PBX1: variants seen among roughly 807,000 people sequenced by gnomAD.
The protein encoded by PBX1 is pre-B-cell leukemia transcription factor 1.
A neutral mutation model predicts 53.4 loss-of-function variants in PBX1; 6 were observed. The ratio of observed to expected loss-of-function variants is 0.11; its 90% CI spans 0.06 to 0.22. The LOEUF (loss-of-function observed/expected upper bound fraction) is 0.22. PBX1 is among the 10% of genes least tolerant of loss of function. The pLI is 1.00. For missense variants in PBX1, 251 were observed against 551.4 expected (o/e 0.46, Z 5.46); for synonymous variants, 204 against 212.3 (o/e 0.96, Z 0.34).
intron 1 of PBX1, chr1:164,562,965 TA>T (rs34618409): frequency 0.31 from 55,286 of 176,606 alleles, 7,236 homozygotes; most frequent in Middle Eastern, 0.42. Context: ...TTAAACTACT[TA>T]AAAAAAAAAA....
intron 2 of PBX1, among the ~76,000 whole-genome samples, chr1:164,876,487 G>A (rs1218988452): frequency 1.3e-5 from 2 of 151,734 alleles, no homozygotes; most frequent in Non-Finnish European, 2.9e-5. Context: ...GGAGACTTAG[G>A]TGAGTGCGCA....
rs3830328 is a variant in PBX1, at chr1:164,707,394, G to GGTGTGTGTGT, written c.266-85084_266-85075dup. Among the ~76,000 whole-genome samples, 239 of 103,494 alleles carry GGTGTGTGTGT rather than the reference G, an allele frequency of 2.3e-3. 2 individuals carry two copies. The highest frequency in any genetic ancestry group is 9.5e-3 in the African/African-American group (227 of 24,004). 67.9% of individuals were successfully genotyped at this position (103,494 alleles called of 152,430 possible). On this transcript the variant is annotated intron_variant, in intron 2 of 8. Coordinates refer to ENST00000420696, the MANE Select transcript of PBX1 (RefSeq NM_002585.4). ...TGGCTAATGAGACTAACACCACTGA[G>GGTGTGTGTGT]GTGTGTGTGTGTGTGTGTGTGTGTG...
rs754765387 is a variant in PBX1, at chr1:164,779,551, C to T, written c.266-12943C>T. ...AGTGCTGCTAGAAAGCAGGCAGCAC[C>T]GAAAGAGAAAAGCAAATTTGGCTTC... is the stretch of plus-strand genomic sequence containing the variant. On this transcript the variant is annotated intron_variant, in intron 2 of 8. Transcript: ENST00000420696. 3.0e-4 allele frequency among the ~76,000 whole-genome samples: 45 copies of T among 152,138 alleles called. 1 individual carries two copies. The highest frequency in any genetic ancestry group is 6.5e-4 in the Admixed American group (10 of 15,274).
chr1:164,634,565 T>C (rs1368629087), intron 2 of PBX1, among the ~76,000 whole-genome samples: 1 of 152,184 alleles, frequency 6.6e-6, no homozygotes, highest in Non-Finnish European at 1.5e-5. Flanking sequence ...ACAATGCTCT[T>C]TGGGTTTCGT....
Position 164,609,111 on chromosome 1 carries a change from G to A in PBX1, c.265+45800G>A, listed in dbSNP as rs1656738129. On this transcript the variant is annotated intron_variant, in intron 2 of 8. Transcript: ENST00000420696. ...TCATTAATGAGAAAATAAATTTAGGGCCAGAGGTGTCAGACTTTTCAGGAG... is the reference window on the plus strand; with the variant it reads ...TCATTAATGAGAAAATAAATTTAGGACCAGAGGTGTCAGACTTTTCAGGAG... 3.9e-5 allele frequency among the ~76,000 whole-genome samples: 6 copies of A among 151,994 alleles called. No homozygotes were observed. In the South Asian group the frequency reaches 1.2e-3, roughly 32 times the overall value.
intron 2 of PBX1, among the ~76,000 whole-genome samples, chr1:164,699,093 A>T (rs1662953369): frequency 6.6e-6 from 1 of 152,212 alleles, no homozygotes; most frequent in East Asian, 1.9e-4. Flanking sequence ...CAGAATAGGC[A>T]TGCGTGCTCT....
At chr1:164,876,181 G>A (rs1672506788) in intron 2 of PBX1, among the ~76,000 whole-genome samples, 1 of 151,850 alleles carries the variant, frequency 6.6e-6, no homozygotes, top group Non-Finnish European at 1.5e-5. Context: ...TGCAAATAGA[G>A]TGTTATGTAA....
chr1:164,587,760 C>T (rs1016222353), intron 2 of PBX1, among the ~76,000 whole-genome samples: 1 of 152,196 alleles, frequency 6.6e-6, no homozygotes, highest in African/African-American at 2.4e-5. Context: ...ACAGAGTTCT[C>T]ACTTGCAGCA....
chr1:164,871,317 G>A (rs1468127537), intron 2 of PBX1, among the ~76,000 whole-genome samples: 3 of 152,176 alleles, frequency 2.0e-5, no homozygotes, highest in Non-Finnish European at 4.4e-5. Context: ...AGGGAGGTAG[G>A]GAGAGAGCCA....
At chr1:164,664,523 C>T (rs1660694326) in intron 2 of PBX1, among the ~76,000 whole-genome samples, 2 of 152,194 alleles carry the variant, frequency 1.3e-5, no homozygotes, top group African/African-American at 4.8e-5. Flanking sequence ...TATCAACTGG[C>T]ACAATGTATT....
At chr1:164,804,917 C>G (rs1419165169) in intron 4 of PBX1, among the ~76,000 whole-genome samples, 1 of 152,172 alleles carries the variant, frequency 6.6e-6, no homozygotes, top group Non-Finnish European at 1.5e-5. Flanking sequence ...AAAAGGTGAT[C>G]TTAGTTTTGG....
At chr1:164,586,445 G>C (rs1180027585) in intron 2 of PBX1, among the ~76,000 whole-genome samples, 3 of 152,146 alleles carry the variant, frequency 2.0e-5, no homozygotes, top group Non-Finnish European at 4.4e-5. Context: ...GCATTATGAT[G>C]CAAGGGAACA....
intron 2 of PBX1, among the ~76,000 whole-genome samples, chr1:164,778,985 A>C (rs774836239): frequency 6.6e-6 from 1 of 152,086 alleles, no homozygotes; most frequent in Non-Finnish European, 1.5e-5. Context: ...TCATCTGACT[A>C]AAAAAGGGTT....
intron 2 of PBX1, among the ~76,000 whole-genome samples, chr1:164,717,834 C>A (rs1664189194): frequency 6.6e-6 from 1 of 152,114 alleles, no homozygotes; most frequent in African/African-American, 2.4e-5. Context: ...TGCTCCCTGT[C>A]CAGGACTTGT....
At chr1:164,791,566 C>T (rs1293793094) in intron 2 of PBX1, among the ~76,000 whole-genome samples, 1 of 152,148 alleles carries the variant, frequency 6.6e-6, no homozygotes, top group Non-Finnish European at 1.5e-5. Context: ...GATTTCGTTC[C>T]ACATGTACTG....
chr1:164,802,106 G>A (rs1669108682), intron 4 of PBX1, among the ~76,000 whole-genome samples: 1 of 152,226 alleles, frequency 6.6e-6, no homozygotes, highest in East Asian at 1.9e-4. Context: ...TTTAGTAATA[G>A]GATTAGTCTT....
At chr1:164,731,315 A>G (rs78937543) in intron 2 of PBX1, among the ~76,000 whole-genome samples, 1 of 151,358 alleles carries the variant, frequency 6.6e-6, no homozygotes, top group Non-Finnish European at 1.5e-5. Flanking sequence ...CATCAGCCAA[A>G]AAAAAAAAAA....
chr1:164,757,910 T>C (rs1666615363), intron 2 of PBX1, among the ~76,000 whole-genome samples: 1 of 152,186 alleles, frequency 6.6e-6, no homozygotes, highest in Admixed American at 6.5e-5. Flanking sequence ...ACCAAGTACA[T>C]ACTCCCATGC....
chr1:164,798,518 T>G (rs1340286942), intron 3 of PBX1, among the ~76,000 whole-genome samples: 1 of 152,198 alleles, frequency 6.6e-6, no homozygotes, highest in African/African-American at 2.4e-5. Flanking sequence ...GAGGAGTAAG[T>G]TCAGACTCTA....
Sources: allele counts gnomAD v4.1 joint callset (sites outside exome capture counted in the v4.1 genomes callset), GRCh38; gene constraint gnomAD v4.1.1; transcripts MANE v1.5; gene names NCBI Gene and HGNC (gene_info 2026-07-23, HGNC 2026-07-21).